Variants in MBD1 observed in about 807,000 individuals in gnomAD.
MBD1 encodes the protein methyl-CpG-binding domain protein 1.
In MBD1, 25 loss-of-function variants were observed where a neutral mutation model predicts 82.6. That is an observed-to-expected ratio of 0.30 (90% CI 0.22 to 0.42). MBD1 has a LOEUF of 0.42. Ranked by LOEUF, MBD1 falls within the 10% of genes least tolerant of loss-of-function variation. The pLI is 1.00. For missense variants in MBD1, 627 were observed against 819.6 expected (o/e 0.76, Z 2.87); for synonymous variants, 301 against 303.7 (o/e 0.99, Z 0.09).
chr18:50,279,270 G>T (rs2039294112), intron 2 of MBD1, among the ~76,000 whole-genome samples: 1 of 152,116 alleles, frequency 6.6e-6, no homozygotes, highest in Non-Finnish European at 1.5e-5. Context: ...CTCTTACATA[G>T]CTTCAAGACT....
At chr18:50,274,154 C>T in intron 11 of MBD1, 32 bp downstream of exon 11, 1 of 1,613,020 alleles carries the variant, frequency 6.2e-7, no homozygotes, top group Non-Finnish European at 8.5e-7. Context: ...CCCAACCTAT[C>T]CCGTCCACCT....
intron 16 of MBD1, chr18:50,271,062 T>C: frequency 9.8e-7 from 1 of 1,020,518 alleles, no homozygotes; most frequent in Non-Finnish European, 1.2e-6. Flanking sequence ...TTTCCTTATT[T>C]ATTCAATTAC....
Position 50,279,970 on chromosome 18 carries a change from C to T in MBD1, c.23G>A (p.Cys8Tyr). MAEDWLD[C>Y]PALGPGWKRR... ...CTTCCAGCCAGGGCCCAGGGCCGGG[C>T]AGTCCAGCCAGTCCTCAGCCATGGA... The change falls in exon 2 of 17, where the codon TGC becomes TAC. Residue 8 changes from cysteine (C) to tyrosine (Y), a missense_variant. By Grantham distance (194) the Cys-to-Tyr change is radical. Coordinates refer to ENST00000269468, the MANE Select transcript of MBD1 (RefSeq NM_015846.4). The T allele has an allele frequency of 6.2e-7, 1 of 1,609,944 alleles. No individual in the cohort carries two copies.
rs974109340 is a variant in MBD1, at chr18:50,277,083, G to A, written c.225+7C>T. 7.4e-6 allele frequency: 12 copies of A among 1,614,088 alleles called. No individual in the cohort carries two copies. Among genetic ancestry groups the A allele is most frequent in the Non-Finnish European group, 9.3e-6 (11 of 1,179,992 alleles). ...CCCCTACCTAGGTATCTCATGTTGT[G>A]AAGTACCTTGGGGGCTGGATAGCAC... On this transcript the variant is annotated splice_region_variant and intron_variant, in intron 3 of 16. Coordinates refer to ENST00000269468, the MANE Select transcript of MBD1 (RefSeq NM_015846.4).
Position 50,274,250 on chromosome 18 carries a change from T to C in MBD1, c.1082A>G (p.Lys361Arg). 1.2e-6 allele frequency: 2 copies of C among 1,614,090 alleles called. No individual in the cohort carries two copies. The highest frequency in any genetic ancestry group is 1.7e-6 in the Non-Finnish European group (2 of 1,180,026). The change falls in exon 11 of 17, where the codon AAA becomes AGA. Residue 361 changes from lysine to arginine, a missense_variant. Physicochemically the swap from Lys to Arg is conservative, Grantham distance 26 (BLOSUM62 2). Coordinates refer to ENST00000269468, the MANE Select transcript of MBD1 (RefSeq NM_015846.4). ...GCGCTTCTGGTTGCTGCCCCCGAAT[T>C]TGGGCTTGTCGCAGCAGAAGTCGCA... ...GRCDFCCDKP[K>R]FGGSNQKRQK...
At chr18:50,280,500 G>A (rs568848007) in intron 1 of MBD1, among the ~76,000 whole-genome samples, 2 of 151,764 alleles carry the variant, frequency 1.3e-5, no homozygotes, top group African/African-American at 4.8e-5. Context: ...TGACCCAGGA[G>A]TTCCTAATTT....
At chr18:50,267,598 A>G (rs2034055457), downstream of MBD1, 4 of 1,534,958 alleles carry the variant, frequency 2.6e-6, no homozygotes, top group African/African-American at 4.1e-5. Context: ...TCAGGGAACC[A>G]GGACGGACCT....
At position 50,276,919 on chromosome 18, in the gene MBD1, G is replaced by T; in HGVS notation, c.305C>A (p.Pro102His). 6.2e-7 allele frequency: 1 copy of T among 1,614,210 alleles called. No homozygotes were observed. Among genetic ancestry groups the T allele is most frequent in the Middle Eastern group, 1.6e-4 (1 of 6,062 alleles). The change falls in exon 4 of 17, where the codon CCC becomes CAC. Residue 102 changes from proline to histidine, a missense_variant. Pro to His is a moderately conservative substitution (Grantham distance 77, BLOSUM62 -2). Coordinates refer to ENST00000269468, the MANE Select transcript of MBD1 (RefSeq NM_015846.4). ...CTCCTTCCTGACCTCACCACTCTGG[G>T]GTCCAACCTGACGTTTCCGAGTCTT... The part of the protein sequence containing the change: ...PAKTRKRQVG[P>H]QSGEVRKEAP...
chr18:50,268,739 AAAG>A (rs139531358), downstream of MBD1: 1,173 of 225,264 alleles, frequency 5.2e-3, 26 homozygotes, highest in East Asian at 0.074. Context: ...GGGTCCTTGG[AAAG>A]AAGTGACCTT....
In MBD1 at chr18:50,276,237, T is replaced by C. The variant is rs557746973; in HGVS notation, c.516+141A>G. The C allele has an allele frequency of 1.2e-5, 11 of 905,356 alleles. No homozygotes were observed. The East Asian group carries it at 2.6e-4, about 21-fold the overall frequency. The allele number at this position is 905,356 out of a possible 1,614,324, so 56.1% of individuals were successfully genotyped here. On this transcript the variant is annotated intron_variant, in intron 6 of 16. Coordinates refer to ENST00000269468, the MANE Select transcript of MBD1 (RefSeq NM_015846.4). Reference sequence around the variant, plus strand: ...TTAATTACCCCATTAATTCCCATTATTGTGTCTGCTGACCTATGGAGAGCA... The same window carrying C: ...TTAATTACCCCATTAATTCCCATTACTGTGTCTGCTGACCTATGGAGAGCA...
At chr18:50,272,646 C>G in intron 15 of MBD1, 31 bp downstream of exon 15, 1 of 1,613,624 alleles carries the variant, frequency 6.2e-7, no homozygotes, top group Non-Finnish European at 8.5e-7. Flanking sequence ...AACACCCACT[C>G]CTTCCCCACC....
Position 50,276,873 on chromosome 18 carries a change from C to T in MBD1, c.351G>A (p.Lys117=), listed in dbSNP as rs2038134133. 6.2e-7 allele frequency: 1 copy of T among 1,614,264 alleles called. No individual in the cohort carries two copies. The highest frequency in any genetic ancestry group is 1.1e-5 in the South Asian group (1 of 91,092). Residue 117 remains lysine (K), a synonymous_variant, in exon 4 of 17, where the codon AAG becomes AAA. Coordinates refer to ENST00000269468, the MANE Select transcript of MBD1 (RefSeq NM_015846.4). The part of the protein sequence containing the change: ...VRKEAPRDET[K]ADTDTAPASF... ...AAGCTGGGGCTGTGTCAGTGTCAGC[C>T]TTGGTCTCATCCCTCGGGGCCTCCT... is the stretch of plus-strand genomic sequence containing the variant.
chr18:50,278,072 T>G (rs888872328), intron 2 of MBD1, among the ~76,000 whole-genome samples: 24 of 152,218 alleles, frequency 1.6e-4, no homozygotes, highest in African/African-American at 5.8e-4. Flanking sequence ...GTGTTTTTTC[T>G]ATCTGATAAC....
At chr18:50,277,241 A>C (rs756996049) in intron 2 of MBD1, 37 bp from the exon 3 acceptor site, 6 of 1,498,130 alleles carry the variant, frequency 4.0e-6, no homozygotes, top group Non-Finnish European at 2.8e-6. Flanking sequence ...ACCCAGGTGG[A>C]GCCAATGCCA....
rs2034772401 is a variant in MBD1 at position 50,269,924 on chromosome 18, A to G, written c.*33-106T>C. 5.4e-6 allele frequency: 7 copies of G among 1,287,510 alleles called. No homozygotes were observed. The East Asian group carries it at 1.6e-4, about 30-fold the overall frequency. 79.8% of individuals were successfully genotyped at this position (1,287,510 alleles called of 1,614,324 possible). On this transcript the variant is annotated intron_variant, in intron 16 of 16. Coordinates refer to ENST00000269468, the MANE Select transcript of MBD1 (RefSeq NM_015846.4). ...ATCCCTATAATAAATCCCTTAAAAT[A>G]CATATATACATAATCTTTATCTTAG...
At position 50,269,474 on chromosome 18, in the gene MBD1, G is replaced by T; in HGVS notation, c.*377C>A. 1.4e-6 allele frequency: 1 copy of T among 730,718 alleles called. No homozygotes were observed. The highest frequency in any genetic ancestry group is 2.4e-6 in the Non-Finnish European group (1 of 417,508). The allele number at this position is 730,718 out of a possible 1,614,324, so 45.3% of individuals were successfully genotyped here. A position where few individuals can be genotyped will look rare whatever the true frequency, so the allele number is the denominator to read the frequency against. ...TTACACTTGGAAGGTTGGTGCTGGG[G>T]CACCAGGCGTTGTTGCAGTTCACAC... On this transcript the variant is annotated 3_prime_UTR_variant, in exon 17 of 17. Coordinates refer to ENST00000269468, the MANE Select transcript of MBD1 (RefSeq NM_015846.4).
intron 15 of MBD1, 109 bp downstream of exon 15, chr18:50,272,568 C>A (rs144906551): frequency 1.6e-5 from 20 of 1,221,788 alleles, no homozygotes; most frequent in Non-Finnish European, 2.4e-5. Flanking sequence ...GGGTATGGGC[C>A]TTTACCTCCC....
rs958981626 is a variant in MBD1, at chr18:50,279,967, G to A, written c.26C>T (p.Pro9Leu). 9 of 1,610,882 alleles carry A rather than the reference G, an allele frequency of 5.6e-6. No individual in the cohort carries two copies. Among genetic ancestry groups the A allele is most frequent in the South Asian group, 3.3e-5 (3 of 91,076 alleles). MAEDWLDC[P>L]ALGPGWKRRE... ...GCGCTTCCAGCCAGGGCCCAGGGCC[G>A]GGCAGTCCAGCCAGTCCTCAGCCAT... is the stretch of plus-strand genomic sequence containing the variant. The change falls in exon 2 of 17, where the codon CCG (proline) becomes CTG (leucine). Residue 9 changes from proline to leucine, a missense_variant. By Grantham distance (98) the Pro-to-Leu change is moderately conservative (BLOSUM62 -3). Around this residue, in one of 6 missense-constraint regions of MBD1, gnomAD observed 42 missense variants for 90.4 expected, o/e 0.46. Transcript: ENST00000269468.
Position 50,274,213 on chromosome 18 carries a change from A to G in MBD1, c.1119T>C (p.Arg373=), listed in dbSNP as rs768069479. 4 of 1,614,126 alleles carry G rather than the reference A, an allele frequency of 2.5e-6. No individual in the cohort carries two copies. The highest frequency in any genetic ancestry group is 3.4e-6 in the Non-Finnish European group (4 of 1,180,032). ...GGSNQKRQKC[R]WRQCLQFAMK... ...TGGCAAACTGCAGGCATTGGCGCCA[A>G]CGACACTTCTGGCGCTTCTGGTTGC... The change falls in exon 11 of 17, where the codon CGT becomes CGC. Residue 373 remains arginine, a synonymous_variant. Transcript: ENST00000269468.
Sources: gnomAD v4.1 joint callset for allele counts (sites outside exome capture counted in the v4.1 genomes callset) on GRCh38, gnomAD v4.1.1 for gene constraint, gnomAD v4.1.1 regional missense constraint, MANE v1.5 for transcripts, NCBI Gene and HGNC (gene_info 2026-07-23, HGNC 2026-07-21) for gene names.